Variants in PARD3 observed in about 807,000 individuals in gnomAD.
The protein encoded by PARD3 is par-3 family cell polarity regulator.
Under a neutral mutation model 155.4 loss-of-function variants are expected in PARD3, and 75 were observed. The observed-to-expected ratio is 0.48, with a 90% CI of 0.40 to 0.58. PARD3 has a LOEUF of 0.58. Ranked by LOEUF, PARD3 falls within the 20% of genes least tolerant of loss-of-function variation. The probability of loss-of-function intolerance (pLI) is 0.00; values close to 1 mark genes in which losing one functional copy is unlikely to be tolerated. For missense variants in PARD3, 1,642 were observed against 1,721.7 expected (o/e 0.95, Z 0.82); for synonymous variants, 576 against 610.5 (o/e 0.94, Z 0.83).
intron 2 of PARD3, among the ~76,000 whole-genome samples, chr10:34,580,163 C>A (rs2087305266): frequency 6.6e-6 from 1 of 152,112 alleles, no homozygotes; most frequent in Admixed American, 6.5e-5. Flanking sequence ...GATCCACCAA[C>A]CTCAGCCTCC....
chr10:34,435,670 C>G (rs2076151541), intron 5 of PARD3, among the ~76,000 whole-genome samples: 1 of 152,206 alleles, frequency 6.6e-6, no homozygotes, highest in African/African-American at 2.4e-5. Flanking sequence ...AGACCACATT[C>G]ATTCACAAAA....
intron 2 of PARD3, among the ~76,000 whole-genome samples, chr10:34,608,356 G>A (rs939101736): frequency 6.6e-6 from 1 of 152,018 alleles, no homozygotes; most frequent in Non-Finnish European, 1.5e-5. Flanking sequence ...TGGGAAAGAT[G>A]GAAATCATTG....
chr10:34,112,056 T>C (rs78204600), intron 24 of PARD3, among the ~76,000 whole-genome samples: 1,991 of 152,308 alleles, frequency 0.013, 38 homozygotes, highest in African/African-American at 0.043. Flanking sequence ...TGTAATGGAT[T>C]ACAGTATGAG....
chr10:34,608,604 G>C (rs2090648859), intron 2 of PARD3, among the ~76,000 whole-genome samples: 1 of 135,272 alleles, frequency 7.4e-6, no homozygotes, highest in Non-Finnish European at 1.5e-5. Context: ...GCCCGATCTT[G>C]GCTCACTGCA....
At chr10:34,207,854 C>T (rs994098205) in intron 22 of PARD3, among the ~76,000 whole-genome samples, 1 of 152,114 alleles carries the variant, frequency 6.6e-6, no homozygotes, top group African/African-American at 2.4e-5. Flanking sequence ...TGTTAGAAAA[C>T]CCAGAATGAC....
chr10:34,396,296 G>A (rs987904162), intron 7 of PARD3, among the ~76,000 whole-genome samples: 2 of 152,026 alleles, frequency 1.3e-5, no homozygotes, highest in South Asian at 4.1e-4. Flanking sequence ...GTTGCAGTGA[G>A]CCAGGATCTC....
chr10:34,281,362 G>C (rs1253519004), intron 21 of PARD3, among the ~76,000 whole-genome samples: 13 of 151,296 alleles, frequency 8.6e-5, no homozygotes, highest in Admixed American at 8.5e-4. Context: ...TCCAGAATGA[G>C]AAGTCAAAAA....
intron 22 of PARD3, among the ~76,000 whole-genome samples, chr10:34,162,584 A>G (rs186010619): frequency 6.6e-6 from 1 of 152,354 alleles, no homozygotes; most frequent in Non-Finnish European, 1.5e-5. Context: ...AGTGATCACT[A>G]GAAGAGTATG....
chr10:34,635,997 T>G (rs1202088091), intron 2 of PARD3, among the ~76,000 whole-genome samples: 2 of 151,180 alleles, frequency 1.3e-5, no homozygotes, highest in East Asian at 3.9e-4. Flanking sequence ...GGATAACTTT[T>G]CTTAAGTAAC....
chr10:34,454,165 C>T (rs1200900582), intron 4 of PARD3, among the ~76,000 whole-genome samples: 1 of 151,962 alleles, frequency 6.6e-6, no homozygotes, highest in South Asian at 2.1e-4. Context: ...GTCCTACTAG[C>T]GTTTCAGTCA....
intron 22 of PARD3, among the ~76,000 whole-genome samples, chr10:34,152,800 T>A (rs1431359493): frequency 6.6e-6 from 1 of 152,198 alleles, no homozygotes; most frequent in African/African-American, 2.4e-5. Context: ...TAGCACTGAA[T>A]GGAAGGTTAA....
chr10:34,581,097 T>A (rs2087410053), intron 2 of PARD3, among the ~76,000 whole-genome samples: 2 of 152,206 alleles, frequency 1.3e-5, no homozygotes, highest in South Asian at 4.1e-4. Context: ...TAAACATATC[T>A]TGATTTAGAT....
intron 20 of PARD3, 76 bp from the exon 21 acceptor site, chr10:34,284,321 C>A: frequency 2.5e-6 from 2 of 809,918 alleles, no homozygotes; most frequent in Admixed American, 2.3e-5. Context: ...ATGACATATA[C>A]CCAATGAAAT....
intron 22 of PARD3, among the ~76,000 whole-genome samples, chr10:34,148,864 G>GAT (rs1948644893): frequency 6.6e-6 from 1 of 151,232 alleles, no homozygotes; most frequent in Non-Finnish European, 1.5e-5. Context: ...CCAGAATCAA[G>GAT]TTTTTTTTTG....
chr10:34,588,825 T>C (rs2088360795), intron 2 of PARD3, among the ~76,000 whole-genome samples: 1 of 152,186 alleles, frequency 6.6e-6, no homozygotes, highest in South Asian at 2.1e-4. Flanking sequence ...GAGAACATGC[T>C]AGAAATGCAT....
chr10:34,291,849 C>G (rs1355676932), intron 20 of PARD3, among the ~76,000 whole-genome samples: 1 of 152,166 alleles, frequency 6.6e-6, no homozygotes, highest in Admixed American at 6.5e-5. Flanking sequence ...GGATTCGAGA[C>G]CAGCTTGGGC....
intron 20 of PARD3, among the ~76,000 whole-genome samples, chr10:34,291,459 TATTTA>T (rs2133970503): frequency 6.6e-6 from 1 of 152,368 alleles, no homozygotes; most frequent in African/African-American, 2.4e-5. Flanking sequence ...TTCTTTTGAT[TATTTA>T]ATTACACTTA....
intron 2 of PARD3, among the ~76,000 whole-genome samples, chr10:34,580,837 A>G (rs1023285622): frequency 2.6e-5 from 4 of 152,202 alleles, no homozygotes; most frequent in African/African-American, 9.6e-5. Flanking sequence ...CTTCAGAACA[A>G]TGACAGCTGC....
chr10:34,257,365 G>A (rs940681276), intron 22 of PARD3, among the ~76,000 whole-genome samples: 1 of 152,218 alleles, frequency 6.6e-6, no homozygotes, highest in Non-Finnish European at 1.5e-5. Flanking sequence ...ATTGGTACTT[G>A]AAGCCATGGG....
Sources: gnomAD v4.1 joint callset for allele counts (sites outside exome capture counted in the v4.1 genomes callset) on GRCh38, gnomAD v4.1.1 for gene constraint, MANE v1.5 for transcripts, NCBI Gene and HGNC (gene_info 2026-07-23, HGNC 2026-07-21) for gene names.